FAN1: variants seen among roughly 807,000 people sequenced by gnomAD.
The protein encoded by FAN1 is FANCD2 and FANCI associated nuclease 1.
A neutral mutation model predicts 104.9 loss-of-function variants in FAN1; 91 were observed. That is an observed-to-expected ratio of 0.87 (90% CI 0.73 to 1.03). The LOEUF (loss-of-function observed/expected upper bound fraction) is 1.03. FAN1 is among the 50% of genes least tolerant of loss of function. The pLI is 0.00. For synonymous variants in FAN1, 478 were observed against 457.6 expected (o/e 1.04, Z -0.57); for missense variants, 1,263 against 1,239.9 (o/e 1.02, Z -0.28).
intron 8 of FAN1, 126 bp downstream of exon 8, chr15:30,922,480 CTT>C (rs1337567725): frequency 8.9e-6 from 9 of 1,012,536 alleles, no homozygotes; most frequent in Non-Finnish European, 1.2e-5. Flanking sequence ...TAACATTCTT[CTT>C]TTGTCTGTGT....
Position 30,925,258 on chromosome 15 carries a change from G to T in FAN1, c.2304G>T (p.Gln768His). 1 of 1,614,194 alleles carries T rather than the reference G, an allele frequency of 6.2e-7. No homozygotes were observed. The highest frequency in any genetic ancestry group is 1.1e-5 in the South Asian group (1 of 91,072). ...AAAAGTTCAAGCACCTCTTCCAGCA[G>T]CTCCCAGAAATGGCTGTGCAAGATG... ...SCKKFKHLFQ[Q>H]LPEMAVQDVK... Residue 768 changes from glutamine to histidine, a missense_variant, in exon 9 of 15, where the codon CAG (glutamine) becomes CAT (histidine). By Grantham distance (24) the Gln-to-His change is conservative. Transcript: ENST00000362065.
chr15:30,920,845 C>T (rs2062313330), intron 7 of FAN1, among the ~76,000 whole-genome samples, 192 bp downstream of exon 7: 1 of 152,198 alleles, frequency 6.6e-6, no homozygotes, highest in African/African-American at 2.4e-5. Flanking sequence ...GGTGCAGTGG[C>T]AGGGTTCAGC....
At chr15:30,914,434 C>T (rs995095987) in intron 5 of FAN1, among the ~76,000 whole-genome samples, 6 of 152,110 alleles carry the variant, frequency 3.9e-5, no homozygotes, top group East Asian at 1.9e-4. Context: ...GCATGATCAC[C>T]GCTCACTGTA....
In FAN1 at chr15:30,904,841, C is replaced by A. The variant is rs1327730619; in HGVS notation, c.178C>A (p.Leu60Ile). 6 of 1,613,174 alleles carry A rather than the reference C, an allele frequency of 3.7e-6. No individual in the cohort carries two copies. In the South Asian group the frequency reaches 6.6e-5, roughly 18 times the overall value. The change falls in exon 2 of 15, where the codon CTT becomes ATT. Residue 60 changes from leucine to isoleucine, a missense_variant. By Grantham distance (5) the Leu-to-Ile change is conservative. This residue lies in a region of FAN1 where 682 missense variants were observed against 571.1 expected (regional missense o/e 1.19). Transcript: ENST00000362065. ...GCCTAGATATGACTTAAACCGGCAC[C>A]TTGATGAAATGTGTGCTAACAATGA... ...MVPRYDLNRHLDEMCANNDFV... is the reference protein window; with the variant it reads ...MVPRYDLNRHIDEMCANNDFV...
chr15:30,936,658 GT>G (rs34999272), intron 13 of FAN1, among the ~76,000 whole-genome samples: 98,949 of 151,736 alleles, frequency 0.65, 32,792 homozygotes, highest in East Asian at 0.99. Flanking sequence ...TGAAAATATT[GT>G]TAAGTTGAAA....
intron 9 of FAN1, among the ~76,000 whole-genome samples, 177 bp from the exon 10 acceptor site, chr15:30,925,612 G>A (rs537759706): frequency 3.9e-5 from 6 of 152,342 alleles, no homozygotes; most frequent in African/African-American, 1.4e-4. Context: ...CTCTCCCAGG[G>A]CCGGACCAGC....
intron 13 of FAN1, among the ~76,000 whole-genome samples, chr15:30,932,165 T>C (rs1379430600): frequency 7.2e-6 from 1 of 138,204 alleles, no homozygotes; most frequent in Non-Finnish European, 1.5e-5. Context: ...GAGCTTGCAG[T>C]GAGCCGAGAT....
intron 10 of FAN1, chr15:30,927,200 C>A: frequency 2.0e-6 from 2 of 977,798 alleles, no homozygotes; most frequent in South Asian, 4.7e-5. Context: ...CAGAGTGAGA[C>A]CCTGTCTCAA....
intron 5 of FAN1, among the ~76,000 whole-genome samples, chr15:30,915,816 A>G (rs2062187762): frequency 6.6e-6 from 1 of 151,120 alleles, no homozygotes; most frequent in African/African-American, 2.4e-5. Context: ...AGGTCTTAGG[A>G]AAAAAAATTT....
At chr15:30,939,458 G>T in intron 14 of FAN1, 4 of 985,412 alleles carry the variant, frequency 4.1e-6, no homozygotes, top group Non-Finnish European at 4.8e-6. Flanking sequence ...CCGACTGAAG[G>T]CTGTCATAGT....
intron 3 of FAN1, 98 bp downstream of exon 3, chr15:30,908,356 T>G: frequency 8.1e-6 from 8 of 986,528 alleles, no homozygotes; most frequent in Non-Finnish European, 1.0e-5. Context: ...CTCCCCGGGG[T>G]GGTGCCTGGT....
At chr15:30,932,544 GA>G (rs2062740019) in intron 13 of FAN1, among the ~76,000 whole-genome samples, 1 of 152,058 alleles carries the variant, frequency 6.6e-6, no homozygotes, top group Non-Finnish European at 1.5e-5. Context: ...TGGGCCTGGA[GA>G]TTTTGGGGGG....
chr15:30,930,410 G>A (rs959541787), intron 12 of FAN1, 133 bp from the exon 13 acceptor site: 9 of 1,015,984 alleles, frequency 8.9e-6, no homozygotes, highest in Middle Eastern at 2.5e-4. Context: ...GCAGAACAGC[G>A]CATGGTGGGC....
chr15:30,941,572 T>C lies in FAN1; in HGVS notation c.*10T>C. ...AAATGCTTCGTCTGCACAGATTCCCTACAGGAGAAAATGGAAATGAGGAGG... is the reference window on the plus strand; with the variant it reads ...AAATGCTTCGTCTGCACAGATTCCCCACAGGAGAAAATGGAAATGAGGAGG... On this transcript the variant is annotated 3_prime_UTR_variant, in exon 15 of 15. Coordinates refer to ENST00000362065, the MANE Select transcript of FAN1 (RefSeq NM_014967.5). 6.2e-7 allele frequency: 1 copy of C among 1,600,970 alleles called. No homozygotes were observed. The highest frequency in any genetic ancestry group is 8.5e-7 in the Non-Finnish European group (1 of 1,173,136).
intron 14 of FAN1, 193 bp from the exon 15 acceptor site, chr15:30,941,367 TTACATA>T: frequency 1.3e-6 from 2 of 1,539,198 alleles, no homozygotes; most frequent in Admixed American, 2.0e-5. Flanking sequence ...ACTATTATTC[TTACATA>T]TAAAGTTATT....
Position 30,905,668 on chromosome 15 carries a change from C to T in FAN1, c.1005C>T (p.Asn335=). 1.2e-6 allele frequency: 2 copies of T among 1,614,130 alleles called. No homozygotes were observed. The highest frequency in any genetic ancestry group is 2.2e-5 in the South Asian group (2 of 91,082). ...CAGATGATGCTTCTGCATGGAGTAA[C>T]ATCCAAGAGGCTCCTCTGCAGGATG... ...SSADDASAWS[N]IQEAPLQDDS... The change falls in exon 2 of 15, where the codon AAC becomes AAT. Residue 335 remains asparagine (N), a synonymous_variant. Coordinates refer to ENST00000362065, the MANE Select transcript of FAN1 (RefSeq NM_014967.5).
At chr15:30,938,514 G>A (rs1595894370) in intron 14 of FAN1, among the ~76,000 whole-genome samples, 1 of 152,046 alleles carries the variant, frequency 6.6e-6, no homozygotes, top group East Asian at 1.9e-4. Context: ...ACTAGATAGG[G>A]GTATTTTCTC....
chr15:30,940,281 ACTTT>A lies in FAN1; in HGVS notation c.*4-1284_*4-1281del, dbSNP rs1566940354. ...TTGTCACACAGTTTGGAAATACTTTACTTTAGAGAGATTCAGATCAAGCAAACAA... is the reference window on the plus strand; with the variant it reads ...TTGTCACACAGTTTGGAAATACTTTAAGAGAGATTCAGATCAAGCAAACAA... On this transcript the variant is annotated intron_variant, in intron 14 of 14. Coordinates refer to ENST00000362065, the MANE Select transcript of FAN1 (RefSeq NM_014967.5). The A allele has an allele frequency of 3.8e-5, 37 of 984,642 alleles. No individual in the cohort carries two copies. The African/African-American group carries it at 6.5e-4, about 17-fold the overall frequency. The allele number at this position is 984,642 out of a possible 1,614,324, so 61.0% of individuals were successfully genotyped here.
At chr15:30,935,091 G>A (rs1025231145) in intron 13 of FAN1, among the ~76,000 whole-genome samples, 1 of 151,780 alleles carries the variant, frequency 6.6e-6, no homozygotes, top group Non-Finnish European at 1.5e-5. Flanking sequence ...GGATTGCTTG[G>A]GCTCAGGAGT....
Sources: gnomAD v4.1 joint callset for allele counts (sites outside exome capture counted in the v4.1 genomes callset) on GRCh38, gnomAD v4.1.1 for gene constraint, gnomAD v4.1.1 regional missense constraint, MANE v1.5 for transcripts, NCBI Gene and HGNC (gene_info 2026-07-23, HGNC 2026-07-21) for gene names.